TLE4: variants seen among roughly 807,000 people sequenced by gnomAD.
TLE4 encodes the protein TLE family member 4, transcriptional corepressor, also known as transducin-like enhancer protein 4.
A neutral mutation model predicts 92.8 loss-of-function variants in TLE4; 8 were observed. The observed-to-expected ratio is 0.09, with a 90% confidence interval of 0.05 to 0.16. TLE4 has a LOEUF of 0.16. Ranked by LOEUF, TLE4 falls within the 10% of genes least tolerant of loss-of-function variation. The pLI is 1.00. For synonymous variants in TLE4, 371 were observed against 374.1 expected (o/e 0.99, Z 0.10); for missense variants, 675 against 997.6 (o/e 0.68, Z 4.36).
chr9:79,683,906 G>A (rs191632509), intron 8 of TLE4, among the ~76,000 whole-genome samples: 16 of 152,314 alleles, frequency 1.1e-4, no homozygotes, highest in Admixed American at 9.2e-4. Flanking sequence ...TGGTATTGGT[G>A]AAGCTGTAAT....
At chr9:79,590,138 G>T (rs1178418504) in intron 4 of TLE4, among the ~76,000 whole-genome samples, 1 of 152,130 alleles carries the variant, frequency 6.6e-6, no homozygotes, top group Non-Finnish European at 1.5e-5. Context: ...TGGAAATGTG[G>T]TTTTACCTCT....
chr9:79,576,962 C>T (rs938057588), intron 4 of TLE4, among the ~76,000 whole-genome samples: 3 of 151,542 alleles, frequency 2.0e-5, no homozygotes, highest in Non-Finnish European at 2.9e-5. Context: ...TATACACACA[C>T]ACAAATATAT....
chr9:79,696,488 T>G (rs1004831578), intron 8 of TLE4, among the ~76,000 whole-genome samples: 3 of 152,186 alleles, frequency 2.0e-5, no homozygotes, highest in Non-Finnish European at 2.9e-5. Flanking sequence ...TTCCTTTAAA[T>G]TGATATATTG....
In TLE4 at chr9:79,696,781, C is replaced by T. The variant is rs548062735; in HGVS notation, c.610-8002C>T. Among the ~76,000 whole-genome samples the T allele has an allele frequency of 1.2e-4, 18 of 152,286 alleles. No homozygotes were observed. In the South Asian group the frequency reaches 3.7e-3, roughly 32 times the overall value. ...AAGCTTAGTAACTTATTTCTCTGAG[C>T]TGTTACCCTACTTCAGCTTTGTCAA... is the stretch of plus-strand genomic sequence containing the variant. On this transcript the variant is annotated intron_variant, in intron 8 of 19. Coordinates refer to ENST00000376552, the MANE Select transcript of TLE4 (RefSeq NM_007005.6).
chr9:79,594,807 T>G (rs1008143368), intron 4 of TLE4, among the ~76,000 whole-genome samples: 2 of 152,230 alleles, frequency 1.3e-5, no homozygotes, highest in Non-Finnish European at 2.9e-5. Flanking sequence ...TTTGTTTTAA[T>G]TTTGTTCTCA....
chr9:79,707,444 A>G (rs555846785), intron 11 of TLE4, among the ~76,000 whole-genome samples: 1 of 152,300 alleles, frequency 6.6e-6, no homozygotes, highest in Non-Finnish European at 1.5e-5. Context: ...GTTAATTGCA[A>G]CTTTGTGTGG....
chr9:79,633,765 C>A (rs2054960543), intron 6 of TLE4, among the ~76,000 whole-genome samples: 1 of 152,200 alleles, frequency 6.6e-6, no homozygotes, highest in Non-Finnish European at 1.5e-5. Flanking sequence ...CAAGCAGCAT[C>A]ACCAACTTCC....
intron 18 of TLE4, 96 bp from the exon 19 acceptor site, chr9:79,722,863 G>T: frequency 8.6e-7 from 1 of 1,157,896 alleles, no homozygotes; most frequent in South Asian, 1.4e-5. Flanking sequence ...ACAAATGGAT[G>T]AGTTTTCTGT....
At chr9:79,664,574 T>G (rs1324447080) in intron 8 of TLE4, among the ~76,000 whole-genome samples, 1 of 152,222 alleles carries the variant, frequency 6.6e-6, no homozygotes, top group South Asian at 2.1e-4. Flanking sequence ...AATTTTAAAC[T>G]AAGCTGGTGA....
chr9:79,683,406 C>T (rs1398612179), intron 8 of TLE4, among the ~76,000 whole-genome samples: 1 of 152,130 alleles, frequency 6.6e-6, no homozygotes, highest in African/African-American at 2.4e-5. Context: ...GAAGTTTAAA[C>T]TTATTTTGAT....
At chr9:79,676,236 G>T (rs2063236101) in intron 8 of TLE4, among the ~76,000 whole-genome samples, 1 of 152,128 alleles carries the variant, frequency 6.6e-6, no homozygotes, top group African/African-American at 2.4e-5. Context: ...ACAACAAATA[G>T]AGTAAATAAA....
At chr9:79,619,458 G>A (rs887624264) in intron 5 of TLE4, among the ~76,000 whole-genome samples, 3 of 152,174 alleles carry the variant, frequency 2.0e-5, no homozygotes, top group African/African-American at 4.8e-5. Context: ...AGAAAATACA[G>A]TGGTTATATG....
chr9:79,592,530 C>T (rs1432925454), intron 4 of TLE4, among the ~76,000 whole-genome samples: 1 of 152,068 alleles, frequency 6.6e-6, no homozygotes, highest in Non-Finnish European at 1.5e-5. Context: ...CCCACCTCAT[C>T]CTTCCAAAGT....
intron 8 of TLE4, among the ~76,000 whole-genome samples, chr9:79,684,654 A>C (rs991574228): frequency 6.6e-6 from 1 of 152,130 alleles, no homozygotes; most frequent in Non-Finnish European, 1.5e-5. Context: ...TGGTGCCAAA[A>C]AGATTGGGGA....
At chr9:79,652,194 C>CT (rs1204125262) in intron 6 of TLE4, among the ~76,000 whole-genome samples, 38 of 147,928 alleles carry the variant, frequency 2.6e-4, no homozygotes, top group South Asian at 4.3e-4. Flanking sequence ...TTTTCTTTTT[C>CT]TTTTTTTTTT....
chr9:79,659,207 A>G (rs368123360), intron 8 of TLE4, among the ~76,000 whole-genome samples: 58 of 152,346 alleles, frequency 3.8e-4, no homozygotes, highest in African/African-American at 1.3e-3. Flanking sequence ...ACCCAGTTTC[A>G]TTCTCAGTTA....
At chr9:79,644,549 C>G (rs1403453658) in intron 6 of TLE4, among the ~76,000 whole-genome samples, 1 of 152,208 alleles carries the variant, frequency 6.6e-6, no homozygotes, top group Non-Finnish European at 1.5e-5. Flanking sequence ...AATAAGGATT[C>G]CAGTGACTCT....
intron 4 of TLE4, among the ~76,000 whole-genome samples, chr9:79,590,011 A>T (rs1253846941): frequency 1.3e-5 from 2 of 152,184 alleles, no homozygotes; most frequent in Admixed American, 6.5e-5. Flanking sequence ...GTGGGCGCTG[A>T]TCAGTGAACC....
rs994910340 is a variant in TLE4, at chr9:79,707,269, A to T, written c.936+370A>T. The stretch of plus-strand genomic sequence containing the variant: ...TGATTTTGTTGCTAGCTTTGTTTGA[A>T]TTACCAAGCTACATATGACGGCAAT... On this transcript the variant is annotated intron_variant, in intron 11 of 19. Coordinates refer to ENST00000376552, the MANE Select transcript of TLE4 (RefSeq NM_007005.6). 4.1e-6 allele frequency: 6 copies of T among 1,445,804 alleles called. No homozygotes were observed. The African/African-American group carries it at 8.4e-5, about 20-fold the overall frequency. The allele number at this position is 1,445,804 out of a possible 1,614,324, so 89.6% of individuals were successfully genotyped here. A position where few individuals can be genotyped will look rare whatever the true frequency, so the allele number is the denominator to read the frequency against.
Sources: allele counts gnomAD v4.1 joint callset (sites outside exome capture counted in the v4.1 genomes callset), GRCh38; gene constraint gnomAD v4.1.1; transcripts MANE v1.5; gene names NCBI Gene and HGNC (gene_info 2026-07-23, HGNC 2026-07-21).